Variants in TDRD5 observed in about 807,000 individuals in gnomAD.
TDRD5 encodes tudor domain-containing protein 5.
TDRD5 carries 41 observed loss-of-function variants against 120.6 expected under a neutral mutation model. That is an observed-to-expected ratio of 0.34 (90% CI 0.26 to 0.44). The LOEUF (loss-of-function observed/expected upper bound fraction) is 0.44. Among genes scored for constraint, TDRD5 ranks in the 20% least tolerant of loss-of-function variants. The pLI is 1.00. For missense variants in TDRD5, 1,006 were observed against 1,221.2 expected, an observed-to-expected ratio of 0.82 and a Z score of 2.63; for synonymous variants, 430 against 433.7, an observed-to-expected ratio of 0.99 and a Z score of 0.11.
chr1:179,622,473 A>T (rs1558385492), intron 6 of TDRD5, among the ~76,000 whole-genome samples: 1 of 152,218 alleles, frequency 6.6e-6, no homozygotes, highest in Non-Finnish European at 1.5e-5. Flanking sequence ...GATGATGCAG[A>T]TATTGAAGTT....
rs1445535241 is a variant in TDRD5 at position 179,652,024 on chromosome 1, T to C, written c.2002-15T>C. ...CATGTAAATTAAACCATCCCTTTTC[T>C]TTTTTTAATCTTAGGGTTTCAGTGA... On this transcript the variant is annotated splice_polypyrimidine_tract_variant and intron_variant, in intron 12 of 17. Transcript: ENST00000444136. 6.2e-7 allele frequency: 1 copy of C among 1,607,664 alleles called. No homozygotes were observed. Among genetic ancestry groups the C allele is most frequent in the African/African-American group, 1.3e-5 (1 of 74,606 alleles).
intron 17 of TDRD5, among the ~76,000 whole-genome samples, chr1:179,682,569 C>T (rs1387969954): frequency 1.3e-5 from 2 of 152,106 alleles, no homozygotes; most frequent in Non-Finnish European, 2.9e-5. Flanking sequence ...AACATGAACT[C>T]ATTCTTTTTT....
chr1:179,642,700 C>A lies in TDRD5; in HGVS notation c.1800+2255C>A, dbSNP rs139806436. Among the ~76,000 whole-genome samples the A allele has an allele frequency of 4.5e-4, 69 of 152,316 alleles. No individual in the cohort carries two copies. In the South Asian group the frequency reaches 8.5e-3, roughly 19 times the overall value. ...GAAATTATCTTGTTCACCACTGAAT[C>A]TCCAGTGCCCAGAGTAATGGCTTTG... is the stretch of plus-strand genomic sequence containing the variant. On this transcript the variant is annotated intron_variant, in intron 11 of 17. Coordinates refer to ENST00000444136, the MANE Select transcript of TDRD5 (RefSeq NM_001199085.3).
At chr1:179,650,476 A>G (rs1480106126) in intron 11 of TDRD5, among the ~76,000 whole-genome samples, 1 of 148,956 alleles carries the variant, frequency 6.7e-6, no homozygotes, top group Non-Finnish European at 1.5e-5. Flanking sequence ...AGTAGTTCCC[A>G]TTTTCCCTTC....
intron 17 of TDRD5, among the ~76,000 whole-genome samples, chr1:179,671,042 G>A (rs1679831093): frequency 6.6e-6 from 1 of 152,172 alleles, no homozygotes; most frequent in South Asian, 2.1e-4. Flanking sequence ...TATGATGTGA[G>A]GATCAATGTT....
chr1:179,640,145 T>C (rs1409895255), intron 10 of TDRD5, 94 bp downstream of exon 10: 2 of 1,346,502 alleles, frequency 1.5e-6, no homozygotes, highest in African/African-American at 2.9e-5. Flanking sequence ...TCTCTTGCCT[T>C]CCTCCCTCCA....
chr1:179,594,140 T>C (rs1206034659), intron 3 of TDRD5, among the ~76,000 whole-genome samples: 1 of 152,242 alleles, frequency 6.6e-6, no homozygotes, highest in African/African-American at 2.4e-5. Context: ...GTGGTAGCTA[T>C]TATTATTTTA....
At chr1:179,673,658 A>G (rs749375546) in intron 17 of TDRD5, among the ~76,000 whole-genome samples, 4 of 152,166 alleles carry the variant, frequency 2.6e-5, no homozygotes, top group African/African-American at 4.8e-5. Flanking sequence ...AAATGGTTAC[A>G]TTCTTTTGAG....
At chr1:179,639,174 G>T (rs775092633) in intron 9 of TDRD5, among the ~76,000 whole-genome samples, 2 of 152,166 alleles carry the variant, frequency 1.3e-5, no homozygotes, top group Non-Finnish European at 2.9e-5. Flanking sequence ...TAGTATATGT[G>T]TACACTGTCC....
intron 4 of TDRD5, among the ~76,000 whole-genome samples, chr1:179,605,160 A>G (rs1267095117): frequency 6.6e-6 from 1 of 152,142 alleles, no homozygotes; most frequent in Admixed American, 6.6e-5. Flanking sequence ...CTGTTGCTTT[A>G]AAGTTTGTTT....
intron 14 of TDRD5, among the ~76,000 whole-genome samples, chr1:179,658,828 T>A (rs1679137620): frequency 6.6e-6 from 1 of 152,216 alleles, no homozygotes; most frequent in African/African-American, 2.4e-5. Flanking sequence ...GCTTTCTTTT[T>A]CTATTTCTTT....
At chr1:179,687,474 A>G (rs141922138) in intron 17 of TDRD5, among the ~76,000 whole-genome samples, 2,972 of 152,262 alleles carry the variant, frequency 0.02, 77 homozygotes, top group African/African-American at 0.066. Context: ...TGTGTGATCA[A>G]TTTTGGAATA....
At chr1:179,630,982 A>G (rs1677410669) in intron 7 of TDRD5, 62 bp downstream of exon 7, 1 of 1,467,434 alleles carries the variant, frequency 6.8e-7, no homozygotes, top group African/African-American at 1.4e-5. Flanking sequence ...GACAAAGAGA[A>G]AACATGAAAT....
At position 179,690,776 on chromosome 1, in the gene TDRD5, G is replaced by A. The variant is rs759636146; in HGVS notation, c.2941G>A (p.Glu981Lys). 3 of 1,614,094 alleles carry A rather than the reference G, an allele frequency of 1.9e-6. No homozygotes were observed. The East Asian group carries it at 6.7e-5, about 36-fold the overall frequency. The change falls in exon 18 of 18, where the codon GAA becomes AAA. Residue 981 changes from glutamate (E) to lysine (K), a missense_variant. Physicochemically the swap from Glu to Lys is moderately conservative, Grantham distance 56. Around this residue, in one of 3 missense-constraint regions of TDRD5, gnomAD observed 403 missense variants for 448.1 expected, o/e 0.90. Transcript: ENST00000444136. The stretch of plus-strand genomic sequence containing the variant: ...TACATTGTACAAAGACAAGCGTCAA[G>A]AATCTGTAGACCAGCTGTCTTTGAT... Reference protein sequence around the residue: ...AITLYKDKRQESVDQLSLILS... With the variant: ...AITLYKDKRQKSVDQLSLILS...
intron 17 of TDRD5, among the ~76,000 whole-genome samples, chr1:179,680,414 G>T (rs1293791115): frequency 3.9e-5 from 6 of 152,024 alleles, no homozygotes; most frequent in African/African-American, 1.4e-4. Context: ...TTGTTGATTT[G>T]TCTTTTTCTT....
chr1:179,625,859 A>G (rs1443519414), intron 6 of TDRD5, among the ~76,000 whole-genome samples: 1 of 152,202 alleles, frequency 6.6e-6, no homozygotes, highest in Non-Finnish European at 1.5e-5. Context: ...TGTGGCACAT[A>G]TACACCATGG....
At chr1:179,603,811 T>C (rs964916070) in intron 4 of TDRD5, among the ~76,000 whole-genome samples, 3 of 152,208 alleles carry the variant, frequency 2.0e-5, no homozygotes, top group African/African-American at 7.2e-5. Context: ...GCATCTATGT[T>C]TATCAGGGAT....
At chr1:179,611,076 T>C (rs1359674167) in intron 4 of TDRD5, among the ~76,000 whole-genome samples, 1 of 152,094 alleles carries the variant, frequency 6.6e-6, no homozygotes, top group Non-Finnish European at 1.5e-5. Flanking sequence ...TTTTTTTTTT[T>C]TGATGGAGCC....
At chr1:179,689,836 G>T (rs921667816) in intron 17 of TDRD5, among the ~76,000 whole-genome samples, 8 of 152,188 alleles carry the variant, frequency 5.3e-5, no homozygotes, top group African/African-American at 1.4e-4. Context: ...CTCCGTGGGC[G>T]TGGGACCCTC....
Sources: gnomAD v4.1 joint callset for allele counts (sites outside exome capture counted in the v4.1 genomes callset) on GRCh38, gnomAD v4.1.1 for gene constraint, gnomAD v4.1.1 regional missense constraint, MANE v1.5 for transcripts, NCBI Gene and HGNC (gene_info 2026-07-23, HGNC 2026-07-21) for gene names.